EPHA6: variants seen among roughly 807,000 people sequenced by gnomAD.
EPHA6 encodes ephrin type-A receptor 6.
EPHA6 carries 50 observed loss-of-function variants against 112.0 expected under a neutral mutation model. That is an observed-to-expected ratio of 0.45 (90% CI 0.36 to 0.56). EPHA6 has a LOEUF of 0.56. EPHA6 is among the 20% of genes least tolerant of loss of function. The probability of loss-of-function intolerance (pLI) is 0.00; values close to 1 mark genes in which losing one functional copy is unlikely to be tolerated. For synonymous variants in EPHA6, 529 were observed against 490.7 expected (o/e 1.08, Z -1.03); for missense variants, 1,280 against 1,417.4 (o/e 0.90, Z 1.56).
chr3:97,533,560 G>C (rs1412386335), intron 11 of EPHA6, among the ~76,000 whole-genome samples: 1 of 152,002 alleles, frequency 6.6e-6, no homozygotes, highest in Non-Finnish European at 1.5e-5. Flanking sequence ...GCCTTAATGG[G>C]GCATTTCAGT....
chr3:97,641,443 A>T (rs1019164864), intron 14 of EPHA6, among the ~76,000 whole-genome samples: 4 of 152,196 alleles, frequency 2.6e-5, no homozygotes, highest in African/African-American at 4.8e-5. Flanking sequence ...AGGAGCCAAG[A>T]TGGCTGAATA....
intron 14 of EPHA6, among the ~76,000 whole-genome samples, chr3:97,659,858 A>T (rs1049460748): frequency 6.6e-6 from 1 of 152,010 alleles, no homozygotes; most frequent in African/African-American, 2.4e-5. Context: ...AGAGTTTAGA[A>T]CACATTTGTT....
Position 96,942,683 on chromosome 3 carries a change from G to A in EPHA6, c.451-44647G>A, listed in dbSNP as rs559514285. ...ACCCGGTACCTTAGATGGAAATGCA[G>A]AAATCACCGGTCTTCTGCTTTGCTC... On this transcript the variant is annotated intron_variant, in intron 2 of 17. Coordinates refer to ENST00000389672, the MANE Select transcript of EPHA6 (RefSeq NM_001080448.3). Among the ~76,000 whole-genome samples, 20 of 152,340 alleles carry A rather than the reference G, an allele frequency of 1.3e-4. No individual in the cohort carries two copies. The East Asian group carries it at 1.4e-3, about 10-fold the overall frequency.
chr3:97,609,536 C>A (rs534725885), intron 12 of EPHA6, among the ~76,000 whole-genome samples: 45 of 151,560 alleles, frequency 3.0e-4, no homozygotes, highest in African/African-American at 9.4e-4. Flanking sequence ...ATATTCACTA[C>A]AAATGGAAAA....
At chr3:97,042,559 G>C (rs140592942) in intron 3 of EPHA6, among the ~76,000 whole-genome samples, 29 of 152,212 alleles carry the variant, frequency 1.9e-4, no homozygotes, top group African/African-American at 7.0e-4. Flanking sequence ...GAAAAGGATT[G>C]TACCTATTGC....
At chr3:97,100,379 CAAAG>C (rs940177808) in intron 3 of EPHA6, among the ~76,000 whole-genome samples, 1 of 151,104 alleles carries the variant, frequency 6.6e-6, no homozygotes, top group Non-Finnish European at 1.5e-5. Flanking sequence ...GACAAATTAA[CAAAG>C]AGACATAATA....
rs55836241 is a variant in EPHA6 at position 97,273,817 on chromosome 3, G to T, written c.1606+29530G>T. 8.2e-3 allele frequency among the ~76,000 whole-genome samples: 1,242 copies of T among 152,276 alleles called. 17 individuals are homozygous for T. The highest frequency in any genetic ancestry group is 0.022 in the African/African-American group (923 of 41,572). On this transcript the variant is annotated intron_variant, in intron 5 of 17. Coordinates refer to ENST00000389672, the MANE Select transcript of EPHA6 (RefSeq NM_001080448.3). ...TTATGTCTGACAGAAGGGAAGAAAT[G>T]ACCGCAGTGGCCTTCTCAGACCCTG...
At chr3:97,422,118 C>T (rs1441760559) in intron 6 of EPHA6, among the ~76,000 whole-genome samples, 1 of 117,650 alleles carries the variant, frequency 8.5e-6, no homozygotes, top group Admixed American at 1.0e-4. Context: ...TCATTATAGT[C>T]ATTTTAAGAA....
At chr3:97,403,412 T>A (rs1207192630) in intron 5 of EPHA6, among the ~76,000 whole-genome samples, 1 of 152,138 alleles carries the variant, frequency 6.6e-6, no homozygotes, top group Non-Finnish European at 1.5e-5. Flanking sequence ...CTTCATTTGA[T>A]GATTCTGTTG....
chr3:97,480,961 G>A (rs563248419), intron 9 of EPHA6, among the ~76,000 whole-genome samples: 5 of 151,880 alleles, frequency 3.3e-5, no homozygotes, highest in East Asian at 3.9e-4. Flanking sequence ...ACGGGATGGC[G>A]GCCGGGAAGA....
chr3:97,204,124 TA>T lies in EPHA6; in HGVS notation c.1115-22137del, dbSNP rs2077652644. 4.6e-5 allele frequency among the ~76,000 whole-genome samples: 7 copies of T among 152,026 alleles called. No homozygotes were observed. In the South Asian group the frequency reaches 1.5e-3, roughly 32 times the overall value. On this transcript the variant is annotated intron_variant, in intron 3 of 17. Transcript: ENST00000389672. Reference sequence around the variant, plus strand: ...GAAGAGTTAAGAACTTAGAAAAGAGTAAATTTTATCCATATGAAATGCAACA... The same window carrying T: ...GAAGAGTTAAGAACTTAGAAAAGAGTAATTTTATCCATATGAAATGCAACA...
intron 10 of EPHA6, among the ~76,000 whole-genome samples, chr3:97,511,359 A>T (rs1163817958): frequency 6.6e-6 from 1 of 152,186 alleles, no homozygotes; most frequent in Non-Finnish European, 1.5e-5. Context: ...AGACTGTGGG[A>T]AAAGTGTAGT....
At chr3:97,113,818 T>C (rs139943991) in intron 3 of EPHA6, among the ~76,000 whole-genome samples, 2,072 of 152,184 alleles carry the variant, frequency 0.014, 33 homozygotes, top group African/African-American at 0.046. Flanking sequence ...AGCAAGAATG[T>C]CCCACAGACT....
chr3:97,453,238 C>A (rs1252181097), intron 7 of EPHA6, among the ~76,000 whole-genome samples: 2 of 151,516 alleles, frequency 1.3e-5, no homozygotes, highest in South Asian at 2.1e-4. Flanking sequence ...CAAAAGGGAA[C>A]AGAATCCATA....
Position 97,745,123 on chromosome 3 carries a change from TG to T in EPHA6, c.3129-2299del, listed in dbSNP as rs1319466451. Among the ~76,000 whole-genome samples the T allele has an allele frequency of 2.0e-5, 3 of 152,112 alleles. No homozygotes were observed. In the East Asian group the frequency reaches 5.8e-4, roughly 29 times the overall value. ...TCTGAATTATCTTACATATTTACAA[TG>T]CACATTAGAGCAGTGAAAACTCTGA... On this transcript the variant is annotated intron_variant, in intron 16 of 17. Transcript: ENST00000389672.
intron 1 of EPHA6, among the ~76,000 whole-genome samples, chr3:96,847,231 A>G (rs1009901713): frequency 2.0e-5 from 3 of 152,122 alleles, no homozygotes; most frequent in Non-Finnish European, 2.9e-5. Flanking sequence ...ACTAGGTCCC[A>G]TTAATAAAAT....
Position 97,674,953 on chromosome 3 carries a change from A to G in EPHA6, c.2784+36871A>G, listed in dbSNP as rs185851697. ...GTTACATGAGCAATTTGAACAGTAC[A>G]AGATTCTAATACATCAAGACACACA... is the stretch of plus-strand genomic sequence containing the variant. On this transcript the variant is annotated intron_variant, in intron 14 of 17. Transcript: ENST00000389672. 5.3e-5 allele frequency among the ~76,000 whole-genome samples: 8 copies of G among 152,262 alleles called. No homozygotes were observed. The East Asian group carries it at 1.5e-3, about 29-fold the overall frequency.
chr3:96,877,388 C>T (rs899738292), intron 2 of EPHA6, among the ~76,000 whole-genome samples: 3 of 151,936 alleles, frequency 2.0e-5, no homozygotes, highest in African/African-American at 7.2e-5. Context: ...TACAAAATAG[C>T]CTATAAGCCA....
At chr3:97,338,647 A>C (rs548986034) in intron 5 of EPHA6, among the ~76,000 whole-genome samples, 2 of 152,146 alleles carry the variant, frequency 1.3e-5, no homozygotes, top group Non-Finnish European at 2.9e-5. Context: ...TTGCAAACAC[A>C]CATTATATCA....
Sources: allele counts gnomAD v4.1 joint callset (sites outside exome capture counted in the v4.1 genomes callset), GRCh38; gene constraint gnomAD v4.1.1; transcripts MANE v1.5; gene names NCBI Gene and HGNC (gene_info 2026-07-23, HGNC 2026-07-21).